Variants in ZNF446 observed in about 807,000 individuals in gnomAD.
ZNF446 encodes zinc finger protein 446.
A neutral mutation model predicts 34.0 loss-of-function variants in ZNF446; 42 were observed. The observed-to-expected ratio is 1.23, with a 90% CI of 0.96 to 1.60. The LOEUF (loss-of-function observed/expected upper bound fraction) is 1.60, where lower values mean the gene tolerates loss of function less well. Among genes scored for constraint, ZNF446 ranks in the 40% most tolerant of loss-of-function variants. The pLI, the probability that ZNF446 is intolerant of heterozygous loss-of-function variation, is 0.00. For missense variants in ZNF446, 650 were observed against 600.2 expected, an observed-to-expected ratio of 1.08 and a Z score of -0.87; for synonymous variants, 315 against 251.0, an observed-to-expected ratio of 1.25 and a Z score of -2.41.
At chr19:58,482,194 C>A (rs1342367486), downstream of ZNF446, among the ~76,000 whole-genome samples, 1 of 152,116 alleles carries the variant, frequency 6.6e-6, no homozygotes, top group African/African-American at 2.4e-5. Flanking sequence ...CCACGTTCCC[C>A]CTTTTTTTTT....
In ZNF446 at chr19:58,480,835, C is replaced by A; in HGVS notation, c.*109C>A. ...AGGCAGCAGGGGATGCCAGAGTGAA[C>A]AAGGGGTCCCAAGCCAGTTCCCTGC... On this transcript the variant is annotated 3_prime_UTR_variant, in exon 7 of 7. Coordinates refer to ENST00000594369, the MANE Select transcript of ZNF446 (RefSeq NM_017908.4). The surrounding 1 kb of genome is among the most constrained non-coding windows in gnomAD (Gnocchi z 7.2). The A allele has an allele frequency of 7.6e-7, 1 of 1,321,520 alleles. No individual in the cohort carries two copies. The highest frequency in any genetic ancestry group is 1.0e-6 in the Non-Finnish European group (1 of 972,100). 81.9% of individuals were successfully genotyped at this position (1,321,520 alleles called of 1,614,324 possible).
chr19:58,488,208 C>T, the ZNF446 span, among the ~76,000 whole-genome samples: 1 of 151,622 alleles, frequency 6.6e-6, no homozygotes, highest in African/African-American at 2.4e-5. Context: ...ACTGTGAGGA[C>T]AGGTCTTCAC....
At chr19:58,487,765 C>T in the ZNF446 span, among the ~76,000 whole-genome samples, 85 of 152,266 alleles carry the variant, frequency 5.6e-4, no homozygotes, top group African/African-American at 1.8e-3. Context: ...GCCGAGATCA[C>T]GCCACTGTAC....
At chr19:58,481,393 C>G (rs1335625275), downstream of ZNF446, among the ~76,000 whole-genome samples, 2 of 152,196 alleles carry the variant, frequency 1.3e-5, no homozygotes, top group Non-Finnish European at 2.9e-5. Context: ...CTCCCTTGCT[C>G]CTTGCCGCCC....
Position 58,480,199 on chromosome 19 carries a change from G to C in ZNF446, c.826G>C (p.Gly276Arg). The change falls in exon 7 of 7, where the codon GGC becomes CGC. Residue 276 changes from glycine to arginine, a missense_variant. Coordinates refer to ENST00000594369, the MANE Select transcript of ZNF446 (RefSeq NM_017908.4). This position sits in a 1 kb window ranked among gnomAD's most constrained non-coding sequence, Gnocchi z 7.2. ...RSGNESEGPP[G>R]CPEAQPPQGP... The stretch of plus-strand genomic sequence containing the variant: ...AGGAAATGAGAGTGAGGGTCCACCT[G>C]GCTGCCCAGAGGCCCAGCCGCCCCA... 6.3e-7 allele frequency: 1 copy of C among 1,595,832 alleles called. No individual in the cohort carries two copies. Among genetic ancestry groups the C allele is most frequent in the Non-Finnish European group, 8.5e-7 (1 of 1,178,266 alleles).
At chr19:58,483,359 T>A (rs1406137788), downstream of ZNF446, among the ~76,000 whole-genome samples, 3 of 152,018 alleles carry the variant, frequency 2.0e-5, no homozygotes, top group African/African-American at 7.3e-5. Context: ...TATGGTGACA[T>A]GCACCTGTAG....
At chr19:58,477,079 T>G in intron 1 of ZNF446, 100 bp from the exon 2 acceptor site, 1 of 717,886 alleles carries the variant, frequency 1.4e-6, no homozygotes, top group Non-Finnish European at 2.3e-6. Context: ...GGCCTCAGAG[T>G]ACACTTGGTC....
chr19:58,489,002 T>C, the ZNF446 span, among the ~76,000 whole-genome samples: 1 of 152,208 alleles, frequency 6.6e-6, no homozygotes, highest in Non-Finnish European at 1.5e-5. Flanking sequence ...ATCAATTCCA[T>C]CTTGCTTCTA....
chr19:58,485,108 G>A (rs1296186383), downstream of ZNF446, among the ~76,000 whole-genome samples: 1 of 152,016 alleles, frequency 6.6e-6, no homozygotes, highest in Non-Finnish European at 1.5e-5. Context: ...AAATGCATGT[G>A]GAAAAGTCCA....
chr19:58,488,335 C>A, the ZNF446 span, among the ~76,000 whole-genome samples: 2 of 151,844 alleles, frequency 1.3e-5, no homozygotes, highest in African/African-American at 4.8e-5. Context: ...CTTCACCTGC[C>A]TTGCTCGTGG....
chr19:58,479,634 C>T lies in ZNF446; in HGVS notation c.628-9C>T, dbSNP rs2053118909. On this transcript the variant is annotated splice_polypyrimidine_tract_variant and intron_variant, in intron 4 of 6. Coordinates refer to ENST00000594369, the MANE Select transcript of ZNF446 (RefSeq NM_017908.4). ...GAAAGACGCCTACAGTGATGGGCCA[C>T]ATCCGCAGGAGGAGTGGGGGCTGCT... The T allele has an allele frequency of 1.2e-6, 2 of 1,613,358 alleles. No individual in the cohort carries two copies. The highest frequency in any genetic ancestry group is 1.7e-6 in the Non-Finnish European group (2 of 1,179,738).
At chr19:58,484,710 A>G (rs1284975811), downstream of ZNF446, among the ~76,000 whole-genome samples, 1 of 151,980 alleles carries the variant, frequency 6.6e-6, no homozygotes, top group Non-Finnish European at 1.5e-5. Context: ...TTAAAAACCA[A>G]TCAGCCAATT....
chr19:58,486,088 CTTT>C (rs71190045), downstream of ZNF446, among the ~76,000 whole-genome samples: 3 of 83,332 alleles, frequency 3.6e-5, no homozygotes, highest in African/African-American at 4.9e-5. Flanking sequence ...AGCTAACTTT[CTTT>C]TTTTTTTTTT....
chr19:58,487,333 G>A, the ZNF446 span, among the ~76,000 whole-genome samples: 6 of 152,202 alleles, frequency 3.9e-5, no homozygotes, highest in African/African-American at 7.2e-5. Context: ...ACTGCAACCC[G>A]GAACTCCTAG....
chr19:58,482,410 T>C (rs1488545139), downstream of ZNF446, among the ~76,000 whole-genome samples: 1 of 152,096 alleles, frequency 6.6e-6, no homozygotes, highest in Admixed American at 6.5e-5. Flanking sequence ...TGGGGACTCC[T>C]TGGGGGCCTT....
chr19:58,479,772 C>T, intron 5 of ZNF446, 45 bp downstream of exon 5: 3 of 1,576,994 alleles, frequency 1.9e-6, no homozygotes, highest in Non-Finnish European at 2.6e-6. Flanking sequence ...CTGGGGCCTG[C>T]ACCCACCCTG....
At chr19:58,481,442 G>A (rs1260230926), downstream of ZNF446, among the ~76,000 whole-genome samples, 5 of 152,152 alleles carry the variant, frequency 3.3e-5, no homozygotes, top group South Asian at 8.3e-4. Flanking sequence ...GAACTCATCA[G>A]TCCCGGCTTG....
chr19:58,479,996 G>A lies in ZNF446; in HGVS notation c.779G>A (p.Gly260Asp). 6.3e-7 allele frequency: 1 copy of A among 1,589,308 alleles called. No individual in the cohort carries two copies. The highest frequency in any genetic ancestry group is 8.5e-7 in the Non-Finnish European group (1 of 1,170,902). The change falls in exon 6 of 7, where the codon GGC becomes GAC. Residue 260 changes from glycine (G) to aspartate (D), a missense_variant. Physicochemically the swap from Gly to Asp is moderately conservative, Grantham distance 94. Transcript: ENST00000594369. ...CTGGGGATGCTGCTCACGGGGACAG[G>A]CGTCTGCAGAAGCCTGCGCTCGGGT... ...SELGMLLTGT[G>D]VCRSLRSGNE...
Position 58,480,945 on chromosome 19 carries a change from G to A in ZNF446, c.*219G>A. On this transcript the variant is annotated 3_prime_UTR_variant, in exon 7 of 7. Transcript: ENST00000594369. This position sits in a 1 kb window ranked among gnomAD's most constrained non-coding sequence, Gnocchi z 7.2. ...TCTTGCCCCTGCCTCCTAGAGGGAG[G>A]TCTGGGTTCCCTTCTATGGCTGACC... 1 of 622,666 alleles carries A rather than the reference G, an allele frequency of 1.6e-6. No homozygotes were observed. The highest frequency in any genetic ancestry group is 2.7e-6 in the Non-Finnish European group (1 of 363,940). 38.6% of individuals were successfully genotyped at this position (622,666 alleles called of 1,614,324 possible).
Sources: gnomAD v4.1 joint callset for allele counts (sites outside exome capture counted in the v4.1 genomes callset) on GRCh38, gnomAD v4.1.1 for gene constraint, Gnocchi (gnomAD v3.1) non-coding constraint, MANE v1.5 for transcripts, NCBI Gene and HGNC (gene_info 2026-07-23, HGNC 2026-07-21) for gene names.